ZBTB7C: variants seen among roughly 807,000 people sequenced by gnomAD.
The protein encoded by ZBTB7C is zinc finger and BTB domain-containing protein 7C.
ZBTB7C carries 8 observed loss-of-function variants against 25.7 expected under a neutral mutation model. That is an observed-to-expected ratio of 0.31 (90% CI 0.18 to 0.56). The LOEUF (loss-of-function observed/expected upper bound fraction) is 0.56. Ranked by LOEUF, ZBTB7C falls within the 20% of genes least tolerant of loss-of-function variation. The probability of loss-of-function intolerance (pLI) is 0.91; values close to 1 mark genes in which losing one functional copy is unlikely to be tolerated. For synonymous variants in ZBTB7C, 394 were observed against 369.0 expected (o/e 1.07, Z -0.78); for missense variants, 824 against 855.2 (o/e 0.96, Z 0.46).
intron 1 of ZBTB7C, among the ~76,000 whole-genome samples, chr18:48,347,124 G>T (rs796918353): frequency 0.011 from 914 of 80,608 alleles, 39 homozygotes; most frequent in African/African-American, 0.044. Context: ...GTTTTTGTTT[G>T]TTTTTTTTTT....
intron 4 of ZBTB7C, among the ~76,000 whole-genome samples, chr18:48,036,360 C>T (rs764025753): frequency 2.6e-5 from 4 of 152,182 alleles, no homozygotes; most frequent in South Asian, 2.1e-4. Flanking sequence ...GTCATTAGTA[C>T]GTCCCCGTGG....
chr18:48,328,155 C>A (rs576893901), intron 2 of ZBTB7C, among the ~76,000 whole-genome samples: 1 of 140,000 alleles, frequency 7.1e-6, no homozygotes, highest in East Asian at 2.1e-4. Flanking sequence ...GCACTCCAGC[C>A]TGGGGGACAG....
At chr18:48,236,549 AAC>A (rs1252275654) in intron 2 of ZBTB7C, among the ~76,000 whole-genome samples, 4 of 152,228 alleles carry the variant, frequency 2.6e-5, no homozygotes, top group African/African-American at 9.6e-5. Flanking sequence ...TAGAAGAAAT[AAC>A]ACTTTAATTG....
chr18:48,114,436 G>A (rs6507812), intron 3 of ZBTB7C, among the ~76,000 whole-genome samples: 126,601 of 151,966 alleles, frequency 0.83, 52,816 homozygotes, highest in Middle Eastern at 0.84. Context: ...AGCCATCTCT[G>A]CTAAAAATAC....
At chr18:48,199,583 C>G (rs2042390016) in intron 2 of ZBTB7C, among the ~76,000 whole-genome samples, 1 of 151,934 alleles carries the variant, frequency 6.6e-6, no homozygotes. Context: ...GGGCTTGGCT[C>G]TATTCCTTCG....
chr18:48,153,657 C>A (rs2040745733), intron 3 of ZBTB7C, among the ~76,000 whole-genome samples: 1 of 152,222 alleles, frequency 6.6e-6, no homozygotes, highest in Non-Finnish European at 1.5e-5. Flanking sequence ...AAAAGTCTTA[C>A]AAAAGAGGGG....
At chr18:48,155,588 G>A (rs2144916305) in intron 3 of ZBTB7C, among the ~76,000 whole-genome samples, 1 of 152,024 alleles carries the variant, frequency 6.6e-6, no homozygotes, top group Middle Eastern at 3.4e-3. Context: ...GCCCGCCTCA[G>A]CCTCCCAAAG....
rs1176492959 is a variant in ZBTB7C at position 48,039,930 on chromosome 18, A to G, written c.1178T>C (p.Met393Thr). The G allele has an allele frequency of 2.5e-6, 4 of 1,613,600 alleles. No individual in the cohort carries two copies. Among genetic ancestry groups the G allele is most frequent in the Non-Finnish European group, 3.4e-6 (4 of 1,180,032 alleles). Residue 393 changes from methionine (M) to threonine (T), a missense_variant, in exon 4 of 5, where the codon ATG becomes ACG. This residue lies in a region of ZBTB7C where 49 missense variants were observed against 81.3 expected (regional missense o/e 0.60). Coordinates refer to ENST00000590800, the MANE Select transcript of ZBTB7C (RefSeq NM_001318841.2). Reference sequence around the variant, plus strand: ...GAAGCGGACCTCGCAGATGGTGCACATGTATGGCTTCTCCCCGGTATGGGT... The same window carrying G: ...GAAGCGGACCTCGCAGATGGTGCACGTGTATGGCTTCTCCCCGGTATGGGT... ...MRTHTGEKPY[M>T]CTICEVRFTR...
intron 2 of ZBTB7C, among the ~76,000 whole-genome samples, chr18:48,210,125 A>G (rs1186631581): frequency 6.6e-6 from 1 of 152,226 alleles, no homozygotes; most frequent in African/African-American, 2.4e-5. Flanking sequence ...AGATATCACT[A>G]TCCTCTCATT....
At chr18:48,048,932 G>T (rs1272153810) in intron 3 of ZBTB7C, among the ~76,000 whole-genome samples, 3 of 152,154 alleles carry the variant, frequency 2.0e-5, no homozygotes, top group Non-Finnish European at 4.4e-5. Context: ...GAGAAAATTA[G>T]GCACAGAACG....
At chr18:48,304,163 AGAGCATAAGC>A (rs2045610832) in intron 2 of ZBTB7C, among the ~76,000 whole-genome samples, 1 of 152,202 alleles carries the variant, frequency 6.6e-6, no homozygotes, top group Non-Finnish European at 1.5e-5. Flanking sequence ...CCCCACACAC[AGAGCATAAGC>A]CCAGCTGCCT....
intron 2 of ZBTB7C, among the ~76,000 whole-genome samples, chr18:48,255,388 G>A (rs558770186): frequency 6.6e-6 from 1 of 152,304 alleles, no homozygotes; most frequent in East Asian, 1.9e-4. Flanking sequence ...TTTAGAATGT[G>A]TTAAATAAAA....
intron 2 of ZBTB7C, among the ~76,000 whole-genome samples, chr18:48,251,474 A>G (rs1316455554): frequency 6.6e-6 from 1 of 152,190 alleles, no homozygotes; most frequent in African/African-American, 2.4e-5. Context: ...CAGCCCTCAA[A>G]TCATTTCCAA....
chr18:48,229,301 G>C (rs1254543929), intron 2 of ZBTB7C, among the ~76,000 whole-genome samples: 6 of 152,058 alleles, frequency 3.9e-5, no homozygotes, highest in Admixed American at 3.9e-4. Context: ...TGGTTGTGTG[G>C]TTTCTAATTA....
chr18:48,336,227 A>C (rs2046454411), intron 2 of ZBTB7C, among the ~76,000 whole-genome samples: 1 of 152,180 alleles, frequency 6.6e-6, no homozygotes, highest in African/African-American at 2.4e-5. Flanking sequence ...AAATTCTGAT[A>C]ACCAGTTTTC....
intron 1 of ZBTB7C, among the ~76,000 whole-genome samples, chr18:48,368,242 C>A (rs1038478994): frequency 5.3e-3 from 503 of 94,816 alleles, no homozygotes; most frequent in South Asian, 8.2e-3. Flanking sequence ...GAAAGCCTAG[C>A]AAAAAAAAAA....
At chr18:48,348,714 G>A (rs1278941854) in intron 1 of ZBTB7C, among the ~76,000 whole-genome samples, 1 of 152,264 alleles carries the variant, frequency 6.6e-6, no homozygotes, top group East Asian at 1.9e-4. Flanking sequence ...CTACTCGGGA[G>A]GCTGAGGCAG....
At chr18:48,295,174 T>G (rs1208877888) in intron 2 of ZBTB7C, among the ~76,000 whole-genome samples, 1 of 152,172 alleles carries the variant, frequency 6.6e-6, no homozygotes, top group African/African-American at 2.4e-5. Context: ...AGTAACGTCT[T>G]GTTAAACACA....
At chr18:48,171,455 A>T (rs535037673) in intron 3 of ZBTB7C, among the ~76,000 whole-genome samples, 15 of 152,362 alleles carry the variant, frequency 9.8e-5, no homozygotes, top group Middle Eastern at 3.4e-3. Flanking sequence ...TATCCCAGGA[A>T]TCATCCATCA....
Sources: gnomAD v4.1 joint callset for allele counts (sites outside exome capture counted in the v4.1 genomes callset) on GRCh38, gnomAD v4.1.1 for gene constraint, gnomAD v4.1.1 regional missense constraint, MANE v1.5 for transcripts, NCBI Gene and HGNC (gene_info 2026-07-23, HGNC 2026-07-21) for gene names.